NFIB: variants seen among roughly 807,000 people sequenced by gnomAD.
NFIB encodes nuclear factor 1 B-type.
NFIB carries 11 observed loss-of-function variants against 61.5 expected under a neutral mutation model. The ratio of observed to expected loss-of-function variants is 0.18; its 90% CI spans 0.11 to 0.30. The LOEUF (loss-of-function observed/expected upper bound fraction) is 0.30. Among genes scored for constraint, NFIB ranks in the 10% least tolerant of loss-of-function variants. The pLI is 1.00. For synonymous variants in NFIB, 260 were observed against 216.5 expected (o/e 1.20, Z -1.76); for missense variants, 471 against 608.9 (o/e 0.77, Z 2.38).
chr9:14,519,560 T>C, the NFIB span, among the ~76,000 whole-genome samples: 3 of 152,186 alleles, frequency 2.0e-5, no homozygotes, highest in African/African-American at 7.2e-5. Flanking sequence ...TTTTGTTTTG[T>C]AACCTTATTT....
At chr9:14,104,881 T>A (rs1428519035) in intron 10 of NFIB, among the ~76,000 whole-genome samples, 1 of 152,140 alleles carries the variant, frequency 6.6e-6, no homozygotes, top group South Asian at 2.1e-4. Flanking sequence ...TTATGTTAAT[T>A]ATTAACTTCA....
chr9:14,325,618 T>C (rs1281270875), intron 1 of NFIB, among the ~76,000 whole-genome samples: 3 of 152,128 alleles, frequency 2.0e-5, no homozygotes, highest in South Asian at 4.1e-4. Flanking sequence ...TACTTTTCTA[T>C]TTCTCAAAAA....
rs17213398 is a variant in NFIB at position 14,299,595 on chromosome 9, T to C, written c.562+7394A>G. Among the ~76,000 whole-genome samples the C allele has an allele frequency of 9.3e-3, 1,417 of 152,346 alleles. 22 individuals carry two copies. The highest frequency in any genetic ancestry group is 0.07 in the South Asian group (339 of 4,828). ...TATGCTTCATCAATAACTTACTACA[T>C]GTTCTGAACTGCCTTAAAATAGGAT... On this transcript the variant is annotated intron_variant, in intron 2 of 10. Coordinates refer to ENST00000380953, the MANE Select transcript of NFIB (RefSeq NM_001190737.2).
At chr9:14,126,238 G>A (rs78771410) in intron 6 of NFIB, among the ~76,000 whole-genome samples, 3,291 of 152,298 alleles carry the variant, frequency 0.022, 122 homozygotes, top group African/African-American at 0.074. Context: ...TTAGCAAAAA[G>A]TACATTCCTT....
At chr9:14,393,785 C>A (rs1050632684) in intron 1 of NFIB, among the ~76,000 whole-genome samples, 2 of 152,138 alleles carry the variant, frequency 1.3e-5, no homozygotes, top group Non-Finnish European at 2.9e-5. Flanking sequence ...AAAATAAATG[C>A]CACTAGTGAC....
At chr9:14,259,626 C>T (rs1587982338) in intron 2 of NFIB, among the ~76,000 whole-genome samples, 1 of 152,148 alleles carries the variant, frequency 6.6e-6, no homozygotes, top group Admixed American at 6.5e-5. Flanking sequence ...GGTGGCCGGG[C>T]GCAGTGGCTC....
intron 1 of NFIB, among the ~76,000 whole-genome samples, chr9:14,358,173 A>G (rs2132937175): frequency 6.6e-6 from 1 of 150,926 alleles, no homozygotes; most frequent in Non-Finnish European, 1.5e-5. Flanking sequence ...TTATTTACAT[A>G]ATTAATATCT....
rs528022943 is a variant in NFIB at position 14,147,016 on chromosome 9, C to G, written c.807-209G>C. Among the ~76,000 whole-genome samples the G allele has an allele frequency of 1.7e-3, 265 of 152,174 alleles. 2 individuals carry two copies. Among genetic ancestry groups the G allele is most frequent in the Middle Eastern group, 3.4e-3 (1 of 294 alleles). On this transcript the variant is annotated intron_variant, in intron 5 of 10. Transcript: ENST00000380953. ...ATTTATTAGACCATCTTATACCTAA[C>G]CTGTCTAACAAATATGGTGTTCATT...
At chr9:14,510,049 C>A in the NFIB span, among the ~76,000 whole-genome samples, 1 of 152,114 alleles carries the variant, frequency 6.6e-6, no homozygotes, top group African/African-American at 2.4e-5. Flanking sequence ...GAGCATGCCA[C>A]TACGCCCAGA....
chr9:14,233,073 A>C (rs2053375517), intron 2 of NFIB, among the ~76,000 whole-genome samples: 2 of 152,188 alleles, frequency 1.3e-5, no homozygotes. Flanking sequence ...TTTTAAGAAA[A>C]CCAAGGCAAA....
intron 2 of NFIB, among the ~76,000 whole-genome samples, chr9:14,186,529 C>T (rs1234909415): frequency 6.6e-6 from 1 of 152,058 alleles, no homozygotes; most frequent in East Asian, 1.9e-4. Flanking sequence ...GGAAGGAATA[C>T]AAATGCATGT....
the NFIB span, among the ~76,000 whole-genome samples, chr9:14,464,473 G>C: frequency 1.3e-5 from 2 of 152,172 alleles, no homozygotes; most frequent in African/African-American, 4.8e-5. Flanking sequence ...TATGGTGGTG[G>C]TAAGAAGTGG....
At chr9:14,322,121 T>C in intron 1 of NFIB, 12 of 1,226,828 alleles carry the variant, frequency 9.8e-6, no homozygotes, top group Non-Finnish European at 1.1e-5. Context: ...GGAGTAGTCT[T>C]ATGTATTTTT....
intron 2 of NFIB, among the ~76,000 whole-genome samples, chr9:14,294,606 C>T (rs2059305377): frequency 6.6e-6 from 1 of 152,134 alleles, no homozygotes; most frequent in African/African-American, 2.4e-5. Flanking sequence ...AAAGGAATGC[C>T]ACAGATTATT....
chr9:14,331,658 A>G (rs2060821909), intron 1 of NFIB, among the ~76,000 whole-genome samples: 1 of 152,218 alleles, frequency 6.6e-6, no homozygotes, highest in Admixed American at 6.5e-5. Flanking sequence ...TAGGCTTTCA[A>G]CTTGGACCTG....
the NFIB span, among the ~76,000 whole-genome samples, chr9:14,447,077 T>A: frequency 1.3e-5 from 2 of 152,320 alleles, no homozygotes; most frequent in South Asian, 4.1e-4. Flanking sequence ...GGTATTTTTA[T>A]CATAAGAATC....
At chr9:14,511,238 G>A in the NFIB span, among the ~76,000 whole-genome samples, 83,392 of 151,826 alleles carry the variant, frequency 0.55, 23,440 homozygotes, top group Non-Finnish European at 0.62. Context: ...ATTTTCTTAT[G>A]TATTCATAGT....
At chr9:14,458,374 A>T in the NFIB span, among the ~76,000 whole-genome samples, 1 of 152,202 alleles carries the variant, frequency 6.6e-6, no homozygotes, top group African/African-American at 2.4e-5. Context: ...TCTCAAAATA[A>T]TAGGAGCTAT....
intron 3 of NFIB, among the ~76,000 whole-genome samples, chr9:14,178,754 G>C (rs1042941711): frequency 2.0e-5 from 3 of 152,004 alleles, no homozygotes; most frequent in African/African-American, 7.3e-5. Flanking sequence ...TTGCAATTTT[G>C]GTGTTCTTCT....
Sources: allele counts gnomAD v4.1 joint callset (sites outside exome capture counted in the v4.1 genomes callset), GRCh38; gene constraint gnomAD v4.1.1; transcripts MANE v1.5; gene names NCBI Gene and HGNC (gene_info 2026-07-23, HGNC 2026-07-21).